The following ELMOD1 variants were observed in gnomAD, a reference collection of about 807,000 sequenced individuals.
ELMOD1 encodes the protein ELMO domain containing 1.
A neutral mutation model predicts 46.7 loss-of-function variants in ELMOD1; 21 were observed. The observed-to-expected ratio is 0.45, with a 90% CI of 0.32 to 0.65. ELMOD1 has a LOEUF of 0.65. Ranked by LOEUF, ELMOD1 falls within the 30% of genes least tolerant of loss-of-function variation. The pLI, the probability that ELMOD1 is intolerant of heterozygous loss-of-function variation, is 0.04. For missense variants in ELMOD1, 348 were observed against 407.8 expected (o/e 0.85, Z 1.26); for synonymous variants, 122 against 138.2 (o/e 0.88, Z 0.82).
At chr11:107,630,604 A>G (rs769684286) in intron 3 of ELMOD1, 42 bp downstream of exon 3, 2 of 1,605,424 alleles carry the variant, frequency 1.2e-6, no homozygotes, top group Non-Finnish European at 1.7e-6. Context: ...TAGAGTTGGT[A>G]TGATGGAAGA....
chr11:107,651,404 T>C (rs1028926793), intron 9 of ELMOD1, among the ~76,000 whole-genome samples: 1 of 152,188 alleles, frequency 6.6e-6, no homozygotes, highest in Non-Finnish European at 1.5e-5. Flanking sequence ...GGTAGGTTAG[T>C]TGTTAGTACT....
At chr11:107,648,718 A>T (rs1866474922) in intron 7 of ELMOD1, among the ~76,000 whole-genome samples, 3 of 151,588 alleles carry the variant, frequency 2.0e-5, no homozygotes, top group Admixed American at 2.0e-4. Context: ...TTGCTTGCCA[A>T]TTCTCAGAGT....
rs765704185 is a variant in ELMOD1, at chr11:107,591,719, C to T, written c.-86+310C>T. On this transcript the variant is annotated intron_variant, in intron 1 of 11. Coordinates refer to ENST00000265840, the MANE Select transcript of ELMOD1 (RefSeq NM_018712.4). Reference sequence around the variant, plus strand: ...GGGCGTAGGTCGCCTAGCGACCTAACGCCGAGGGCTCGGGGAAGGGATCCC... The same window carrying T: ...GGGCGTAGGTCGCCTAGCGACCTAATGCCGAGGGCTCGGGGAAGGGATCCC... 5 of 380,466 alleles carry T rather than the reference C, an allele frequency of 1.3e-5. No homozygotes were observed. In the East Asian group the frequency reaches 3.0e-4, roughly 23 times the overall value. The allele number at this position is 380,466 out of a possible 1,614,324, so 23.6% of individuals were successfully genotyped here.
intron 2 of ELMOD1, among the ~76,000 whole-genome samples, chr11:107,624,173 G>A (rs1400644595): frequency 6.6e-6 from 1 of 152,006 alleles, no homozygotes; most frequent in Non-Finnish European, 1.5e-5. Flanking sequence ...TTATTTATAT[G>A]TTTACTTAAT....
At chr11:107,662,923 C>T (rs1362905260) in intron 11 of ELMOD1, among the ~76,000 whole-genome samples, 2 of 151,750 alleles carry the variant, frequency 1.3e-5, no homozygotes, top group Non-Finnish European at 2.9e-5. Context: ...GAAACGGGGT[C>T]TTCCTGTGTT....
chr11:107,603,797 G>C (rs1312996736), intron 1 of ELMOD1, among the ~76,000 whole-genome samples: 3 of 150,004 alleles, frequency 2.0e-5, no homozygotes, highest in Non-Finnish European at 3.0e-5. Flanking sequence ...AGAATTGCTT[G>C]AACCTGGGAG....
At chr11:107,643,023 A>C in intron 6 of ELMOD1, 1 of 235,204 alleles carries the variant, frequency 4.3e-6, no homozygotes, top group Non-Finnish European at 9.0e-6. Flanking sequence ...TCGTTTTCAT[A>C]TTCATCCAAT....
At chr11:107,648,440 C>A (rs1866470783) in intron 7 of ELMOD1, among the ~76,000 whole-genome samples, 1 of 152,186 alleles carries the variant, frequency 6.6e-6, no homozygotes, top group South Asian at 2.1e-4. Context: ...CAGCGGGAGG[C>A]CTTCAGTGTC....
At chr11:107,624,322 T>C (rs930699895) in intron 2 of ELMOD1, among the ~76,000 whole-genome samples, 25 of 152,184 alleles carry the variant, frequency 1.6e-4, no homozygotes, top group African/African-American at 5.3e-4. Context: ...AATAAAAGTA[T>C]TATCCAAAGA....
chr11:107,638,939 G>A (rs565126398), intron 6 of ELMOD1, among the ~76,000 whole-genome samples: 2 of 152,246 alleles, frequency 1.3e-5, no homozygotes, highest in East Asian at 3.9e-4. Flanking sequence ...TTGAGCCCAG[G>A]AGTTCAAGAC....
chr11:107,642,729 A>T (rs1866348409), intron 6 of ELMOD1, among the ~76,000 whole-genome samples: 1 of 152,228 alleles, frequency 6.6e-6, no homozygotes, highest in Non-Finnish European at 1.5e-5. Context: ...GAATAACTTT[A>T]AAAAATTTTC....
At chr11:107,650,781 G>A in intron 8 of ELMOD1, 104 bp from the exon 9 acceptor site, 1 of 799,622 alleles carries the variant, frequency 1.3e-6, no homozygotes, top group South Asian at 1.9e-5. Context: ...AGAACATCTG[G>A]AATTACTAAG....
chr11:107,610,115 G>T (rs1184811525), intron 1 of ELMOD1, among the ~76,000 whole-genome samples: 1 of 152,144 alleles, frequency 6.6e-6, no homozygotes, highest in East Asian at 1.9e-4. Flanking sequence ...ATACAGTCCA[G>T]AGCAGAAGGA....
intron 1 of ELMOD1, among the ~76,000 whole-genome samples, chr11:107,609,828 A>G (rs1013827030): frequency 6.5e-4 from 99 of 152,328 alleles, no homozygotes; most frequent in Middle Eastern, 6.8e-3. Context: ...AGTTCAGGCC[A>G]ATGTCCCTGT....
chr11:107,643,542 T>C (rs949586382), intron 6 of ELMOD1: 4 of 503,534 alleles, frequency 7.9e-6, no homozygotes, highest in African/African-American at 7.8e-5. Flanking sequence ...TAGAACACTC[T>C]TGGAGTTTTA....
chr11:107,645,908 TTA>T (rs1214054724), intron 6 of ELMOD1, among the ~76,000 whole-genome samples: 5 of 152,336 alleles, frequency 3.3e-5, no homozygotes, highest in African/African-American at 1.2e-4. Context: ...TCATTGAATA[TTA>T]TGTTTTACAC....
At position 107,592,067 on chromosome 11, in the gene ELMOD1, G is replaced by A. The variant is rs894143006; in HGVS notation, c.-86+658G>A. On this transcript the variant is annotated intron_variant, in intron 1 of 11. Coordinates refer to ENST00000265840, the MANE Select transcript of ELMOD1 (RefSeq NM_018712.4). The stretch of plus-strand genomic sequence containing the variant: ...TGACGGGGCTGTTAAAAGCAGAGCA[G>A]TGGAGTGTGGTGGTGGGGTGAGCTG... 13 of 439,930 alleles carry A rather than the reference G, an allele frequency of 3.0e-5. No individual in the cohort carries two copies. The Admixed American group carries it at 3.3e-4, about 11-fold the overall frequency. 27.3% of individuals were successfully genotyped at this position (439,930 alleles called of 1,614,324 possible). A position where few individuals can be genotyped will look rare whatever the true frequency, so the allele number is the denominator to read the frequency against.
Position 107,621,975 on chromosome 11 carries a change from C to T in ELMOD1, c.17+3769C>T, listed in dbSNP as rs556924541. Among the ~76,000 whole-genome samples, 114 of 152,146 alleles carry T rather than the reference C, an allele frequency of 7.5e-4. 1 individual carries two copies. Among genetic ancestry groups the T allele is most frequent in the African/African-American group, 2.4e-3 (98 of 41,496 alleles). On this transcript the variant is annotated intron_variant, in intron 2 of 11. Coordinates refer to ENST00000265840, the MANE Select transcript of ELMOD1 (RefSeq NM_018712.4). ...CCAGGAGGCGGAGGTTGCAGTGAGC[C>T]GAGATCACGCCACTGCACTCTAGCC...
intron 1 of ELMOD1, among the ~76,000 whole-genome samples, chr11:107,602,781 G>A (rs180671750): frequency 1.4e-5 from 2 of 146,330 alleles, no homozygotes; most frequent in South Asian, 2.2e-4. Context: ...TGTCAGAAAC[G>A]TCCCTTAGTT....
Sources: allele counts gnomAD v4.1 joint callset (sites outside exome capture counted in the v4.1 genomes callset), GRCh38; gene constraint gnomAD v4.1.1; transcripts MANE v1.5; gene names NCBI Gene and HGNC (gene_info 2026-07-23, HGNC 2026-07-21).